SORCS3: variants seen among roughly 807,000 people sequenced by gnomAD.
SORCS3 encodes VPS10 domain-containing receptor SorCS3.
Under a neutral mutation model 146.3 loss-of-function variants are expected in SORCS3, and 57 were observed. The observed-to-expected ratio is 0.39, with a 90% CI of 0.31 to 0.49. The LOEUF (loss-of-function observed/expected upper bound fraction) is 0.49, where lower values mean the gene tolerates loss of function less well. SORCS3 is among the 20% of genes least tolerant of loss of function. The pLI is 0.92. For synonymous variants in SORCS3, 653 were observed against 618.5 expected, an observed-to-expected ratio of 1.06 and a Z score of -0.83; for missense variants, 1,341 against 1,575.5, an observed-to-expected ratio of 0.85 and a Z score of 2.52.
chr10:104,953,160 T>C (rs61476516), intron 3 of SORCS3, among the ~76,000 whole-genome samples: 7,047 of 152,308 alleles, frequency 0.046, 203 homozygotes, highest in East Asian at 0.14. Context: ...TGATTAGTTC[T>C]GCCTCAATGC....
intron 1 of SORCS3, among the ~76,000 whole-genome samples, chr10:104,766,867 C>T (rs954830864): frequency 1.5e-4 from 23 of 152,164 alleles, no homozygotes; most frequent in African/African-American, 5.1e-4. Context: ...CTGTTTCCAC[C>T]CAAAGGGTGC....
At chr10:104,965,970 A>G (rs1203784226) in intron 3 of SORCS3, among the ~76,000 whole-genome samples, 1 of 152,122 alleles carries the variant, frequency 6.6e-6, no homozygotes, top group Non-Finnish European at 1.5e-5. Flanking sequence ...CAGGATATGT[A>G]TAAGCATACA....
chr10:104,746,183 T>C (rs928413984), intron 1 of SORCS3, among the ~76,000 whole-genome samples: 14 of 151,706 alleles, frequency 9.2e-5, no homozygotes, highest in African/African-American at 2.4e-4. Flanking sequence ...GTCACCCAGG[T>C]TGGAGTGCAG....
intron 1 of SORCS3, among the ~76,000 whole-genome samples, chr10:104,684,860 C>T (rs1188680408): frequency 8.4e-6 from 1 of 119,150 alleles, no homozygotes; most frequent in African/African-American, 3.1e-5. Flanking sequence ...CTCTGTCACC[C>T]AGGCTGGAGT....
intron 5 of SORCS3, among the ~76,000 whole-genome samples, chr10:105,046,913 C>T (rs929518237): frequency 1.3e-4 from 20 of 152,036 alleles, no homozygotes; most frequent in African/African-American, 7.2e-5. Flanking sequence ...CAGCTGCTTC[C>T]GAAATTGTAA....
chr10:104,805,519 T>C (rs1212674070), intron 1 of SORCS3, among the ~76,000 whole-genome samples: 2 of 152,054 alleles, frequency 1.3e-5, no homozygotes, highest in Non-Finnish European at 2.9e-5. Context: ...AAATTGGAGG[T>C]GGGGCCAAAG....
At chr10:104,850,908 T>C (rs376641246) in intron 2 of SORCS3, among the ~76,000 whole-genome samples, 12 of 152,338 alleles carry the variant, frequency 7.9e-5, no homozygotes, top group African/African-American at 2.9e-4. Context: ...AATCTGCTGG[T>C]GAAGTTGCAA....
chr10:105,081,829 G>T (rs1470380100), intron 5 of SORCS3, among the ~76,000 whole-genome samples: 1 of 151,888 alleles, frequency 6.6e-6, no homozygotes, highest in Non-Finnish European at 1.5e-5. Context: ...TGCTATTATT[G>T]AGCTCATTAA....
At chr10:104,974,827 C>T (rs2054884821) in intron 3 of SORCS3, among the ~76,000 whole-genome samples, 1 of 152,182 alleles carries the variant, frequency 6.6e-6, no homozygotes, top group South Asian at 2.1e-4. Context: ...TTTGCAGTGG[C>T]TGGTACCGGT....
intron 1 of SORCS3, among the ~76,000 whole-genome samples, chr10:104,771,462 G>A (rs1389343360): frequency 6.6e-6 from 1 of 152,112 alleles, no homozygotes; most frequent in East Asian, 1.9e-4. Flanking sequence ...CAGAAGATGT[G>A]CCCATCACAG....
intron 1 of SORCS3, among the ~76,000 whole-genome samples, chr10:104,783,104 C>T (rs901126270): frequency 2.6e-5 from 4 of 152,144 alleles, no homozygotes; most frequent in Non-Finnish European, 4.4e-5. Context: ...ATTCACTTTG[C>T]GTGGAATGAT....
intron 2 of SORCS3, among the ~76,000 whole-genome samples, chr10:104,897,202 T>TAACA (rs751189803): frequency 8.5e-5 from 13 of 152,190 alleles, no homozygotes; most frequent in Non-Finnish European, 1.3e-4. Flanking sequence ...GTACAAAAGG[T>TAACA]AACAGTCTGT....
At position 104,977,379 on chromosome 10, in the gene SORCS3, C is replaced by A; in HGVS notation, c.840C>A (p.Ile280=). The A allele has an allele frequency of 6.2e-7, 1 of 1,613,680 alleles. No individual in the cohort carries two copies. Among genetic ancestry groups the A allele is most frequent in the East Asian group, 2.2e-5 (1 of 44,822 alleles). The change falls in exon 4 of 27, where the codon ATC becomes ATA. Residue 280 remains isoleucine (I), a synonymous_variant. Transcript: ENST00000369701. ...CTGAGATGGAGAGCAGCATATTGAT[C>A]AGCTCAGACGAAGGGGCGACCTATC... The part of the protein sequence containing the change: ...SDPEMESSIL[I]SSDEGATYQK...
At chr10:104,917,000 A>G (rs1400727570) in intron 3 of SORCS3, among the ~76,000 whole-genome samples, 2 of 152,200 alleles carry the variant, frequency 1.3e-5, no homozygotes, top group East Asian at 1.9e-4. Flanking sequence ...ATGTGCATCC[A>G]TAGACTTTCT....
chr10:104,843,700 C>T (rs150557012), intron 2 of SORCS3, among the ~76,000 whole-genome samples: 110 of 152,344 alleles, frequency 7.2e-4, no homozygotes, highest in Non-Finnish European at 1.2e-3. Flanking sequence ...GTGTGTTACA[C>T]ACACTTACGC....
At chr10:104,648,725 C>T (rs1226916135) in intron 1 of SORCS3, among the ~76,000 whole-genome samples, 1 of 152,182 alleles carries the variant, frequency 6.6e-6, no homozygotes, top group Non-Finnish European at 1.5e-5. Context: ...TTATTTTGAT[C>T]AGTGTAGTTT....
intron 5 of SORCS3, among the ~76,000 whole-genome samples, chr10:105,070,346 A>G (rs1397988689): frequency 1.3e-5 from 2 of 152,230 alleles, no homozygotes; most frequent in African/African-American, 4.8e-5. Context: ...GGCTTACTCT[A>G]AAGCTGAGAT....
intron 3 of SORCS3, among the ~76,000 whole-genome samples, chr10:104,973,179 A>G (rs1275331353): frequency 2.0e-5 from 3 of 152,100 alleles, no homozygotes; most frequent in Non-Finnish European, 4.4e-5. Flanking sequence ...GTCTCTGCCC[A>G]GCTTTGGTAT....
At chr10:105,218,237 G>C (rs1261076304) in intron 19 of SORCS3, among the ~76,000 whole-genome samples, 2 of 152,176 alleles carry the variant, frequency 1.3e-5, no homozygotes, top group Non-Finnish European at 2.9e-5. Flanking sequence ...AGGCTACATG[G>C]CCATGAGATA....
Sources: allele counts gnomAD v4.1 joint callset (sites outside exome capture counted in the v4.1 genomes callset), GRCh38; gene constraint gnomAD v4.1.1; transcripts MANE v1.5; gene names NCBI Gene and HGNC (gene_info 2026-07-23, HGNC 2026-07-21).